CCDC7: variants seen among roughly 807,000 people sequenced by gnomAD.
CCDC7 encodes the protein coiled-coil domain-containing protein 7.
In CCDC7, 183 loss-of-function variants were observed where a neutral mutation model predicts 196.9. The observed-to-expected ratio is 0.93, with a 90% CI of 0.82 to 1.05. The LOEUF is 1.05. Among genes scored for constraint, CCDC7 ranks in the 50% least tolerant of loss-of-function variants. CCDC7 has a pLI of 0.00. For synonymous variants in CCDC7, 525 were observed against 484.6 expected (o/e 1.08, Z -1.10); for missense variants, 1,540 against 1,482.2 (o/e 1.04, Z -0.64).
At chr10:32,615,056 A>G in intron 18 of CCDC7, among the ~76,000 whole-genome samples, 1 of 152,122 alleles carries the variant, frequency 6.6e-6, no homozygotes, top group East Asian at 1.9e-4. Context: ...CACATACACT[A>G]CATTCTCTTT....
chr10:32,879,718 CA>C (rs1327314138), downstream of CCDC7, among the ~76,000 whole-genome samples: 2 of 144,792 alleles, frequency 1.4e-5, no homozygotes, highest in Admixed American at 7.0e-5. Context: ...CCCCAACCCA[CA>C]ATAGGCCCCA....
upstream of CCDC7, chr10:32,451,588 A>G (rs532116292): frequency 1.7e-4 from 258 of 1,519,356 alleles, 3 homozygotes; most frequent in Middle Eastern, 6.7e-3. Flanking sequence ...ATTTTTTTTC[A>G]CAGGGAGGAA....
intron 9 of CCDC7, among the ~76,000 whole-genome samples, chr10:32,509,903 T>G (rs190671815): frequency 1.3e-3 from 191 of 152,272 alleles, no homozygotes; most frequent in South Asian, 2.5e-3. Context: ...AGCAAGGATT[T>G]GGAGAAAAGG....
chr10:32,856,161 G>A (rs1365030188), intron 41 of CCDC7, among the ~76,000 whole-genome samples: 1 of 152,074 alleles, frequency 6.6e-6, no homozygotes, highest in Admixed American at 6.6e-5. Flanking sequence ...TATTGGATTT[G>A]GCAATGACTT....
In CCDC7 at chr10:32,691,992, T is replaced by C. The variant is rs377381071; in HGVS notation, c.2344+2829T>C. Among the ~76,000 whole-genome samples, 9 of 152,176 alleles carry C rather than the reference T, an allele frequency of 5.9e-5. No homozygotes were observed. The East Asian group carries it at 1.3e-3, about 23-fold the overall frequency. Reference sequence around the variant, plus strand: ...AAGATTCTCTTAAGGAGGCATTCTGTAGTGATAAGCTCCACAATATGCCCC... The same window carrying C: ...AAGATTCTCTTAAGGAGGCATTCTGCAGTGATAAGCTCCACAATATGCCCC... On this transcript the variant is annotated intron_variant, in intron 23 of 41. Transcript: ENST00000639629.
intron 32 of CCDC7, among the ~76,000 whole-genome samples, chr10:32,826,225 T>A (rs575297542): frequency 6.6e-6 from 1 of 152,298 alleles, no homozygotes; most frequent in East Asian, 1.9e-4. Flanking sequence ...GTAACCCACA[T>A]GGAAGTGCAC....
chr10:32,754,908 C>G (rs1218359703), intron 28 of CCDC7, among the ~76,000 whole-genome samples: 1 of 152,026 alleles, frequency 6.6e-6, no homozygotes, highest in East Asian at 1.9e-4. Flanking sequence ...AAAATTGGGA[C>G]ACTCCCACCC....
intron 11 of CCDC7, among the ~76,000 whole-genome samples, chr10:32,526,708 T>C (rs1377049355): frequency 1.3e-5 from 2 of 152,030 alleles, no homozygotes; most frequent in East Asian, 3.9e-4. Context: ...TGTCCAGGAG[T>C]GAGGGCCTGG....
At chr10:32,594,233 G>T (rs1590285858) in intron 18 of CCDC7, among the ~76,000 whole-genome samples, 1 of 152,236 alleles carries the variant, frequency 6.6e-6, no homozygotes, top group African/African-American at 2.4e-5. Context: ...ACTGAGCAGT[G>T]GTTTGTAGTT....
In CCDC7 at chr10:32,870,951, G is replaced by C. The variant is rs571346024; in HGVS notation, c.4112-5396G>C. On this transcript the variant is annotated intron_variant, in intron 41 of 41. Coordinates refer to ENST00000639629, the Ensembl canonical transcript of CCDC7. ...TGCATCCCAGGGATGAAGCCCACTT[G>C]ATCATGGTGGATAAGCTTTTTGATG... 2.4e-4 allele frequency among the ~76,000 whole-genome samples: 37 copies of C among 152,296 alleles called. No homozygotes were observed. The East Asian group carries it at 7.0e-3, about 29-fold the overall frequency.
chr10:32,574,956 T>G (rs72795550), intron 16 of CCDC7, among the ~76,000 whole-genome samples: 6,172 of 152,300 alleles, frequency 0.041, 192 homozygotes, highest in Middle Eastern at 0.082. Flanking sequence ...GTCACCTTCA[T>G]ATGTCCAGTT....
chr10:32,592,868 A>G (rs2059916357), intron 18 of CCDC7, among the ~76,000 whole-genome samples: 1 of 152,152 alleles, frequency 6.6e-6, no homozygotes, highest in Non-Finnish European at 1.5e-5. Flanking sequence ...GTCCCTATAA[A>G]GGACATGAAC....
intron 18 of CCDC7, among the ~76,000 whole-genome samples, chr10:32,605,629 T>C (rs1307994928): frequency 6.6e-6 from 1 of 152,220 alleles, no homozygotes; most frequent in Non-Finnish European, 1.5e-5. Flanking sequence ...AGAATTTGGC[T>C]GTATTTTGTC....
chr10:32,605,025 G>A (rs2061427314), intron 18 of CCDC7, among the ~76,000 whole-genome samples: 1 of 152,120 alleles, frequency 6.6e-6, no homozygotes, highest in Non-Finnish European at 1.5e-5. Context: ...GGTAGGATGT[G>A]TTAGAGTTGT....
chr10:32,708,551 A>T (rs574464749), intron 24 of CCDC7, among the ~76,000 whole-genome samples: 1 of 152,358 alleles, frequency 6.6e-6, no homozygotes, highest in South Asian at 2.1e-4. Flanking sequence ...AGAATGGGAG[A>T]AAATTTTTGC....
intron 18 of CCDC7, among the ~76,000 whole-genome samples, chr10:32,587,867 A>G (rs921643761): frequency 2.0e-5 from 3 of 152,088 alleles, no homozygotes; most frequent in African/African-American, 7.2e-5. Flanking sequence ...TCACAATTGG[A>G]TATTGTTATG....
intron 20 of CCDC7, among the ~76,000 whole-genome samples, chr10:32,645,032 G>T (rs1225677632): frequency 6.6e-6 from 1 of 152,084 alleles, no homozygotes; most frequent in Non-Finnish European, 1.5e-5. Context: ...TTAAAAATGG[G>T]CTAAAGATGT....
rs571018121 is a variant in CCDC7, at chr10:32,603,485, A to G, written c.1801+19181A>G. 1.7e-3 allele frequency among the ~76,000 whole-genome samples: 264 copies of G among 151,648 alleles called. 1 individual carries two copies. Among genetic ancestry groups the G allele is most frequent in the African/African-American group, 6.1e-3 (252 of 41,398 alleles). On this transcript the variant is annotated intron_variant, in intron 18 of 41. Transcript: ENST00000639629. The stretch of plus-strand genomic sequence containing the variant: ...AACCCAGTAGTGGGATTGCTGGATC[A>G]TATTGTAGTTATATTTTTAGCTTTT...
At chr10:32,764,551 C>T (rs73243836) in intron 28 of CCDC7, among the ~76,000 whole-genome samples, 6,907 of 151,826 alleles carry the variant, frequency 0.045, 531 homozygotes, top group African/African-American at 0.16. Flanking sequence ...AAAAGATGGC[C>T]TATACTAAGT....
Sources: gnomAD v4.1 joint callset for allele counts (sites outside exome capture counted in the v4.1 genomes callset) on GRCh38, gnomAD v4.1.1 for gene constraint, MANE v1.5 for transcripts, NCBI Gene and HGNC (gene_info 2026-07-23, HGNC 2026-07-21) for gene names.